The following CSMD1 variants were observed in gnomAD, a reference collection of about 807,000 sequenced individuals.
The protein encoded by CSMD1 is CUB and Sushi multiple domains 1.
A neutral mutation model predicts 417.5 loss-of-function variants in CSMD1; 213 were observed. The ratio of observed to expected loss-of-function variants is 0.51; its 90% CI spans 0.46 to 0.57. CSMD1 has a LOEUF of 0.57. Among genes scored for constraint, CSMD1 ranks in the 20% least tolerant of loss-of-function variants. The pLI is 0.00. For missense variants in CSMD1, 6,923 were observed against 4,529.7 expected (o/e 1.53, Z -15.17); for synonymous variants, 2,862 against 1,736.8 (o/e 1.65, Z -16.11).
At chr8:3,188,442 G>T (rs954429408) in intron 35 of CSMD1, among the ~76,000 whole-genome samples, 5 of 150,750 alleles carry the variant, frequency 3.3e-5, no homozygotes, top group Non-Finnish European at 5.9e-5. Context: ...TAGCAGCTAG[G>T]ATTACAGGCG....
chr8:4,000,887 G>C (rs1039119470), intron 4 of CSMD1, among the ~76,000 whole-genome samples: 1 of 152,004 alleles, frequency 6.6e-6, no homozygotes, highest in African/African-American at 2.4e-5. Flanking sequence ...TCATAGATGT[G>C]TGGAATTAAA....
At chr8:3,182,878 G>GTGTGTC in intron 36 of CSMD1, 1 of 140,788 alleles carries the variant, frequency 7.1e-6, no homozygotes, top group Non-Finnish European at 1.5e-5. Flanking sequence ...GTGTGTGTGT[G>GTGTGTC]TGTGTGTGTG....
At chr8:3,714,035 G>GATAGATAA (rs1229679386) in intron 6 of CSMD1, among the ~76,000 whole-genome samples, 4 of 149,294 alleles carry the variant, frequency 2.7e-5, no homozygotes, top group Non-Finnish European at 4.4e-5. Flanking sequence ...CAGATAGATA[G>GATAGATAA]ATAGATAGAT....
At chr8:3,057,238 A>G (rs544829916) in intron 49 of CSMD1, among the ~76,000 whole-genome samples, 1 of 152,328 alleles carries the variant, frequency 6.6e-6, no homozygotes, top group South Asian at 2.1e-4. Flanking sequence ...TTTCATAAAA[A>G]CATCATCATC....
At chr8:3,853,366 T>C (rs1448460047) in intron 5 of CSMD1, among the ~76,000 whole-genome samples, 4 of 152,190 alleles carry the variant, frequency 2.6e-5, no homozygotes, top group Admixed American at 6.5e-5. Flanking sequence ...TAAAAAGGTA[T>C]TGTTATGTAA....
intron 10 of CSMD1, among the ~76,000 whole-genome samples, chr8:3,500,286 G>A (rs1796544796): frequency 6.6e-6 from 1 of 152,086 alleles, no homozygotes; most frequent in South Asian, 2.1e-4. Context: ...GGAAAGTGCT[G>A]GGCACTCTAG....
intron 37 of CSMD1, among the ~76,000 whole-genome samples, chr8:3,164,254 T>C (rs533984705): frequency 6.6e-6 from 1 of 152,322 alleles, no homozygotes; most frequent in Admixed American, 6.5e-5. Context: ...ATTGATTCTG[T>C]ATAGAATGAG....
chr8:3,443,348 G>C (rs59846378), intron 12 of CSMD1, among the ~76,000 whole-genome samples: 18,889 of 152,172 alleles, frequency 0.12, 1,505 homozygotes, highest in East Asian at 0.29. Flanking sequence ...GAGAGAGAAA[G>C]AGAAAGAGAG....
chr8:3,168,564 G>A (rs1421692378), intron 37 of CSMD1, among the ~76,000 whole-genome samples: 2 of 151,870 alleles, frequency 1.3e-5, no homozygotes, highest in African/African-American at 4.8e-5. Context: ...ATTATAGACA[G>A]CTATAAATGT....
At chr8:4,392,452 G>C (rs141364657) in intron 3 of CSMD1, among the ~76,000 whole-genome samples, 7 of 152,018 alleles carry the variant, frequency 4.6e-5, no homozygotes, top group East Asian at 1.9e-4. Context: ...ACTTTTAAAA[G>C]AATTATCAGT....
intron 7 of CSMD1, among the ~76,000 whole-genome samples, chr8:3,633,833 T>G (rs1386369880): frequency 2.0e-5 from 3 of 152,150 alleles, no homozygotes; most frequent in Non-Finnish European, 4.4e-5. Context: ...AGCTATGAAG[T>G]GTTAAATATC....
chr8:4,291,577 G>C (rs1797367974), intron 3 of CSMD1, among the ~76,000 whole-genome samples: 1 of 152,112 alleles, frequency 6.6e-6, no homozygotes, highest in Non-Finnish European at 1.5e-5. Context: ...TATTAAAGCT[G>C]AAGCGTAATA....
intron 5 of CSMD1, among the ~76,000 whole-genome samples, chr8:3,862,267 T>C (rs765669457): frequency 1.3e-5 from 2 of 152,210 alleles, no homozygotes; most frequent in Non-Finnish European, 2.9e-5. Flanking sequence ...GGGACTGTGA[T>C]AACTTACCAT....
In CSMD1 at chr8:3,972,228, A is replaced by G. The variant is rs532621966; in HGVS notation, c.818+25675T>C. Among the ~76,000 whole-genome samples the G allele has an allele frequency of 1.6e-3, 245 of 152,326 alleles. 1 individual carries two copies. The highest frequency in any genetic ancestry group is 6.8e-3 in the Middle Eastern group (2 of 294). On this transcript the variant is annotated intron_variant, in intron 5 of 69. Coordinates refer to ENST00000635120, the MANE Select transcript of CSMD1 (RefSeq NM_033225.6). The stretch of plus-strand genomic sequence containing the variant: ...TTGTTGAAGAAAGCAGGGAGAAAAA[A>G]AAAAGAACTTCAATTAAATAGTATT...
Position 2,957,672 on chromosome 8 carries a change from G to A in CSMD1, c.9814+24C>T, listed in dbSNP as rs1474718288. ...TCACAATAAATAGGTGACTTGTGAT[G>A]GGGGTGGAAGAAATCACACTTACGT... is the stretch of plus-strand genomic sequence containing the variant. On this transcript the variant is annotated intron_variant, in intron 63 of 69. Coordinates refer to ENST00000635120, the MANE Select transcript of CSMD1 (RefSeq NM_033225.6). 4 of 1,379,396 alleles carry A rather than the reference G, an allele frequency of 2.9e-6. No individual in the cohort carries two copies. The South Asian group carries it at 3.7e-5, about 13-fold the overall frequency. 85.4% of individuals were successfully genotyped at this position (1,379,396 alleles called of 1,614,324 possible). A position where few individuals can be genotyped will look rare whatever the true frequency, so the allele number is the denominator to read the frequency against.
intron 7 of CSMD1, among the ~76,000 whole-genome samples, chr8:3,657,597 A>C (rs1585029451): frequency 6.6e-6 from 1 of 152,300 alleles, no homozygotes. Context: ...ACTCAAGAAC[A>C]AAAAACCAAA....
chr8:4,111,713 G>A (rs904560870), intron 3 of CSMD1, among the ~76,000 whole-genome samples: 1 of 152,122 alleles, frequency 6.6e-6, no homozygotes, highest in Non-Finnish European at 1.5e-5. Context: ...AGTGGGAGCT[G>A]AACAGTAGGA....
chr8:4,265,576 T>C lies in CSMD1; in HGVS notation c.415+154377A>G, dbSNP rs1261740846. 8.5e-5 allele frequency among the ~76,000 whole-genome samples: 9 copies of C among 105,556 alleles called. 4 individuals carry two copies. The highest frequency in any genetic ancestry group is 6.3e-4 in the Admixed American group (7 of 11,156). The allele number at this position is 105,556 out of a possible 152,430, so 69.2% of individuals were successfully genotyped here. ...ATTCATATACTCCTATGTTTTATGC[T>C]ATATTTTATGGAATACAAAACAAGG... On this transcript the variant is annotated intron_variant, in intron 3 of 69. Transcript: ENST00000635120.
chr8:4,099,658 C>A (rs759189831), intron 3 of CSMD1, among the ~76,000 whole-genome samples: 3 of 151,988 alleles, frequency 2.0e-5, no homozygotes, highest in African/African-American at 4.8e-5. Flanking sequence ...TAAACCAATG[C>A]AGTCTGCTTA....
Sources: gnomAD v4.1 joint callset for allele counts (sites outside exome capture counted in the v4.1 genomes callset) on GRCh38, gnomAD v4.1.1 for gene constraint, MANE v1.5 for transcripts, NCBI Gene and HGNC (gene_info 2026-07-23, HGNC 2026-07-21) for gene names.